The following PICALM variants were observed in gnomAD, a reference collection of about 807,000 sequenced individuals.
The protein encoded by PICALM is phosphatidylinositol binding clathrin assembly protein, also known as phosphatidylinositol-binding clathrin assembly protein.
A neutral mutation model predicts 80.5 loss-of-function variants in PICALM; 40 were observed. The observed-to-expected ratio is 0.50, with a 90% confidence interval of 0.39 to 0.65. PICALM has a LOEUF of 0.65. Ranked by LOEUF, PICALM falls within the 30% of genes least tolerant of loss-of-function variation. The pLI, the probability that PICALM is intolerant of heterozygous loss-of-function variation, is 0.00. For synonymous variants in PICALM, 288 were observed against 260.3 expected, an observed-to-expected ratio of 1.11 and a Z score of -1.02; for missense variants, 676 against 778.9, an observed-to-expected ratio of 0.87 and a Z score of 1.57.
chr11:86,008,247 C>T (rs531641811), intron 7 of PICALM, among the ~76,000 whole-genome samples: 101 of 152,240 alleles, frequency 6.6e-4, no homozygotes, highest in Middle Eastern at 3.4e-3. Flanking sequence ...TTTTCTGTCC[C>T]GTGGCTGTGT....
intron 13 of PICALM, among the ~76,000 whole-genome samples, chr11:85,988,401 A>C (rs1037946836): frequency 2.6e-5 from 4 of 152,196 alleles, no homozygotes; most frequent in Non-Finnish European, 5.9e-5. Flanking sequence ...TTTTCTTACC[A>C]AGTTTATAAA....
intron 1 of PICALM, among the ~76,000 whole-genome samples, chr11:86,048,837 CAAAA>C (rs36076234): frequency 1.1e-3 from 108 of 101,986 alleles, no homozygotes; most frequent in Middle Eastern, 5.1e-3. Context: ...AACTCCGTCT[CAAAA>C]AAAAAAAAAA....
At chr11:85,982,438 T>TTTTTTTTTTTTTTTTA (rs1565278982) in intron 14 of PICALM, among the ~76,000 whole-genome samples, 2 of 135,704 alleles carry the variant, frequency 1.5e-5, no homozygotes, top group Non-Finnish European at 3.1e-5. Flanking sequence ...TTTTTTTTTT[T>TTTTTTTTTTTTTTTTA]GAGACGGAGT....
intron 1 of PICALM, among the ~76,000 whole-genome samples, chr11:86,056,521 A>T (rs1428566315): frequency 6.6e-6 from 1 of 152,114 alleles, no homozygotes; most frequent in Non-Finnish European, 1.5e-5. Context: ...CCTGAAAATA[A>T]CAAGTTTGGC....
At chr11:85,961,495 T>C (rs1245603615) in intron 19 of PICALM, among the ~76,000 whole-genome samples, 2 of 152,226 alleles carry the variant, frequency 1.3e-5, no homozygotes, top group Non-Finnish European at 1.5e-5. Context: ...AATTCGAATA[T>C]ACTGTAAGGC....
chr11:85,970,376 T>C (rs572867461), intron 19 of PICALM, among the ~76,000 whole-genome samples: 2 of 152,318 alleles, frequency 1.3e-5, no homozygotes, highest in Admixed American at 1.3e-4. Context: ...ACTGGATACT[T>C]ATTGAGAATT....
Position 86,000,705 on chromosome 11 carries a change from T to C in PICALM, c.1092A>G (p.Ser364=), listed in dbSNP as rs1246175957. 3 of 1,611,576 alleles carry C rather than the reference T, an allele frequency of 1.9e-6. No homozygotes were observed. The highest frequency in any genetic ancestry group is 1.1e-5 in the South Asian group (1 of 91,002). ...LTTAASPVST[S]AGGIMTAPAI... ...CTGGTGCAGTCATTATCCCTCCTGC[T>C]GAGGTGGATACAGGAGAGGCTGCAG... The change falls in exon 11 of 20, where the codon TCA becomes TCG. Residue 364 remains serine, a synonymous_variant. Transcript: ENST00000393346.
chr11:85,981,488 G>A (rs1291267249), intron 16 of PICALM, among the ~76,000 whole-genome samples: 1 of 151,976 alleles, frequency 6.6e-6, no homozygotes, highest in Non-Finnish European at 1.5e-5. Context: ...GGTGCCTGTA[G>A]TCCAGCTACT....
At chr11:86,003,256 G>A (rs1002607312) in intron 9 of PICALM, 110 bp downstream of exon 9, 1 of 573,542 alleles carries the variant, frequency 1.7e-6, no homozygotes, top group Admixed American at 2.7e-5. Context: ...CCATTTTATA[G>A]AAAATGAAAT....
chr11:86,042,232 C>T (rs1269843622), intron 1 of PICALM, among the ~76,000 whole-genome samples: 2 of 152,052 alleles, frequency 1.3e-5, no homozygotes, highest in African/African-American at 2.4e-5. Context: ...TTAGGCCCAT[C>T]CTAGATTCCA....
At chr11:85,983,839 AT>A (rs1565285656) in intron 14 of PICALM, 26 bp downstream of exon 14, 1 of 921,682 alleles carries the variant, frequency 1.1e-6, no homozygotes, top group Non-Finnish European at 1.7e-6. Flanking sequence ...ACATTATAAT[AT>A]TTTTAATAAA....
intron 19 of PICALM, among the ~76,000 whole-genome samples, chr11:85,972,495 T>C (rs1466827916): frequency 1.3e-5 from 2 of 152,192 alleles, no homozygotes; most frequent in Non-Finnish European, 2.9e-5. Context: ...AGCAGACCCA[T>C]CTACCTTAAA....
At chr11:86,016,767 TCTC>T (rs1293826537) in intron 4 of PICALM, among the ~76,000 whole-genome samples, 2 of 152,220 alleles carry the variant, frequency 1.3e-5, no homozygotes, top group East Asian at 1.9e-4. Flanking sequence ...AATAAAATCC[TCTC>T]CTAAGTATCT....
intron 1 of PICALM, among the ~76,000 whole-genome samples, chr11:86,054,863 C>T (rs1333232898): frequency 1.3e-5 from 2 of 152,100 alleles, no homozygotes; most frequent in African/African-American, 4.8e-5. Context: ...TCTTGAACTC[C>T]TGACCACAGG....
At chr11:86,063,266 G>A (rs2096396180) in intron 1 of PICALM, among the ~76,000 whole-genome samples, 1 of 152,236 alleles carries the variant, frequency 6.6e-6, no homozygotes, top group Admixed American at 6.5e-5. Flanking sequence ...AAAGAAAAAT[G>A]TCAATCACAT....
chr11:86,005,238 C>T (rs2095251705), intron 8 of PICALM, among the ~76,000 whole-genome samples: 2 of 152,206 alleles, frequency 1.3e-5, no homozygotes, highest in African/African-American at 4.8e-5. Flanking sequence ...AAATCCTGGA[C>T]TGAAACTGTG....
At chr11:85,963,943 T>TTTTTTTTTTA (rs1555002813) in intron 19 of PICALM, among the ~76,000 whole-genome samples, 1 of 146,436 alleles carries the variant, frequency 6.8e-6, no homozygotes, top group Non-Finnish European at 1.5e-5. Context: ...TTTTTTTTTT[T>TTTTTTTTTTA]ATTAAAGTTA....
intron 2 of PICALM, 21 bp from the exon 3 acceptor site, chr11:86,026,388 C>A: frequency 1.4e-6 from 2 of 1,471,934 alleles, no homozygotes; most frequent in Non-Finnish European, 1.9e-6. Flanking sequence ...AAAATTACAT[C>A]ATATTAAGGT....
intron 2 of PICALM, among the ~76,000 whole-genome samples, chr11:86,029,494 C>T (rs985115386): frequency 6.6e-6 from 1 of 152,182 alleles, no homozygotes; most frequent in African/African-American, 2.4e-5. Context: ...AAAAAACACA[C>T]TATCAAAAAA....
Sources: allele counts gnomAD v4.1 joint callset (sites outside exome capture counted in the v4.1 genomes callset), GRCh38; gene constraint gnomAD v4.1.1; transcripts MANE v1.5; gene names NCBI Gene and HGNC (gene_info 2026-07-23, HGNC 2026-07-21).